Variants in C20orf173 observed in about 807,000 individuals in gnomAD.
C20orf173 encodes chromosome 20 open reading frame 173.
C20orf173 carries 22 observed loss-of-function variants against 26.7 expected under a neutral mutation model. The ratio of observed to expected loss-of-function variants is 0.82; its 90% CI spans 0.59 to 1.18. The LOEUF is 1.18. Ranked by LOEUF, C20orf173 falls within the 50% of genes most tolerant of loss-of-function variation. The probability of loss-of-function intolerance (pLI) is 0.00; values close to 1 mark genes in which losing one functional copy is unlikely to be tolerated. For synonymous variants in C20orf173, 85 were observed against 96.4 expected, an observed-to-expected ratio of 0.88 and a Z score of 0.69; for missense variants, 210 against 250.3, an observed-to-expected ratio of 0.84 and a Z score of 1.09.
At chr20:35,527,721 C>T (rs530677929) in intron 5 of C20orf173, among the ~76,000 whole-genome samples, 2 of 152,128 alleles carry the variant, frequency 1.3e-5, no homozygotes, top group Admixed American at 6.6e-5. Flanking sequence ...CGGGTTCAAG[C>T]GATTCTTCTA....
downstream of C20orf173, among the ~76,000 whole-genome samples, chr20:35,525,145 A>C (rs1315454310): frequency 6.6e-6 from 1 of 152,010 alleles, no homozygotes; most frequent in South Asian, 2.1e-4. Flanking sequence ...CACCCCTGAT[A>C]CTTATAAATG....
At chr20:35,527,701 C>A (rs987510851) in intron 5 of C20orf173, among the ~76,000 whole-genome samples, 5 of 152,130 alleles carry the variant, frequency 3.3e-5, no homozygotes, top group African/African-American at 7.2e-5. Context: ...TAACTGCAAC[C>A]TCTGCCTCCC....
At chr20:35,522,286 C>G (rs940273923), downstream of C20orf173, 11 of 152,638 alleles carry the variant, frequency 7.2e-5, 1 homozygote, top group Admixed American at 2.0e-4. Context: ...ATTTGACAAG[C>G]AGACTTCAGC....
downstream of C20orf173, among the ~76,000 whole-genome samples, chr20:35,525,850 C>A (rs1000062499): frequency 3.9e-5 from 6 of 152,196 alleles, no homozygotes; most frequent in Non-Finnish European, 8.8e-5. Flanking sequence ...CCTATTTATA[C>A]CCACTTTTAA....
intron 2 of C20orf173, 46 bp from the exon 3 acceptor site, chr20:35,528,925 A>G (rs1568862299): frequency 6.5e-7 from 1 of 1,549,618 alleles, no homozygotes. Flanking sequence ...CAGGGGAGAG[A>G]AAACAGAGCT....
chr20:35,529,424 C>A lies in C20orf173; in HGVS notation c.-51G>T. The A allele has an allele frequency of 6.8e-7, 1 of 1,473,618 alleles. No individual in the cohort carries two copies. The highest frequency in any genetic ancestry group is 1.4e-5 in the South Asian group (1 of 73,832). The allele number at this position is 1,473,618 out of a possible 1,614,324, so 91.3% of individuals were successfully genotyped here. ...GGTGGGCCGTAGACTGGCTTCTCTACCTGTAAGGATGAGGGGCTGAGGCCA... is the reference window on the plus strand; with the variant it reads ...GGTGGGCCGTAGACTGGCTTCTCTAACTGTAAGGATGAGGGGCTGAGGCCA... On this transcript the variant is annotated splice_region_variant and 5_prime_UTR_variant, in exon 2 of 6. Coordinates refer to ENST00000444723, the MANE Select transcript of C20orf173 (RefSeq NM_001145350.2).
chr20:35,528,938 G>A (rs1003354500), intron 2 of C20orf173, 59 bp from the exon 3 acceptor site: 3 of 1,544,976 alleles, frequency 1.9e-6, no homozygotes, highest in African/African-American at 2.7e-5. Context: ...ACAGAGCTGG[G>A]TGGGTGAGAT....
intron 4 of C20orf173, 38 bp downstream of exon 4, chr20:35,528,413 A>AC (rs1325587395): frequency 1.2e-5 from 18 of 1,547,566 alleles, no homozygotes; most frequent in Non-Finnish European, 1.6e-5. Flanking sequence ...ACCTCCCCTC[A>AC]CCCCCACACA....
chr20:35,528,305 G>A (rs1189350159), intron 4 of C20orf173, 21 bp from the exon 5 acceptor site: 2 of 1,551,868 alleles, frequency 1.3e-6, no homozygotes, highest in Non-Finnish European at 1.7e-6. Flanking sequence ...ATTGGAGGTG[G>A]GGGAGTTTGG....
downstream of C20orf173, among the ~76,000 whole-genome samples, chr20:35,526,540 G>C (rs2064503111): frequency 1.3e-5 from 2 of 148,420 alleles, no homozygotes; most frequent in Admixed American, 1.4e-4. Context: ...TAGGTGGGAG[G>C]ATCACTTGAG....
At chr20:35,527,512 C>T (rs1039892105) in intron 5 of C20orf173, among the ~76,000 whole-genome samples, 70 of 152,182 alleles carry the variant, frequency 4.6e-4, no homozygotes, top group Non-Finnish European at 2.2e-4. Context: ...TCCAGGCAAA[C>T]GGAATGGTGC....
In C20orf173 at chr20:35,528,763, G is replaced by T. The variant is rs749948418; in HGVS notation, c.426C>A (p.Arg142=). 1 of 1,548,848 alleles carries T rather than the reference G, an allele frequency of 6.5e-7. No individual in the cohort carries two copies. Among genetic ancestry groups the T allele is most frequent in the South Asian group, 1.2e-5 (1 of 83,894 alleles). The change falls in exon 3 of 6, where the codon CGC becomes CGA. Residue 142 remains arginine, a synonymous_variant. Transcript: ENST00000444723. ...GGCTGGAGCCCTGCGGGATCTGTGG[G>T]CGCCCCAACAGCACACAAGTCCCAC... The part of the protein sequence containing the change: ...FYCGTCVLLG[R]PQIPQGSSLG...
At chr20:35,523,498 C>T (rs1204681791), downstream of C20orf173, 3 of 152,338 alleles carry the variant, frequency 2.0e-5, no homozygotes, top group East Asian at 1.9e-4. Flanking sequence ...CCTCCCTGGC[C>T]ACCTACTGAT....
intron 5 of C20orf173, among the ~76,000 whole-genome samples, chr20:35,527,712 G>A (rs1304754363): frequency 1.3e-5 from 2 of 151,988 alleles, no homozygotes; most frequent in African/African-American, 4.8e-5. Flanking sequence ...TCTGCCTCCC[G>A]GGTTCAAGCG....
Position 35,528,246 on chromosome 20 carries a change from T to C in C20orf173, c.*12A>G. 1.3e-6 allele frequency: 2 copies of C among 1,552,080 alleles called. No homozygotes were observed. Among genetic ancestry groups the C allele is most frequent in the Non-Finnish European group, 1.7e-6 (2 of 1,147,066 alleles). On this transcript the variant is annotated 3_prime_UTR_variant, in exon 5 of 6. Coordinates refer to ENST00000444723, the MANE Select transcript of C20orf173 (RefSeq NM_001145350.2). Reference sequence around the variant, plus strand: ...ATTCCCCCTCACCGTGTCTTTGCTATCTTCCACTCCACTAGGGAACCAGAC... The same window carrying C: ...ATTCCCCCTCACCGTGTCTTTGCTACCTTCCACTCCACTAGGGAACCAGAC...
In C20orf173 at chr20:35,528,830, T is replaced by G; in HGVS notation, c.359A>C (p.Lys120Thr). Residue 120 changes from lysine to threonine, a missense_variant, in exon 3 of 6, where the codon AAA becomes ACA. Lys to Thr is a moderately conservative substitution (Grantham distance 78). Coordinates refer to ENST00000444723, the MANE Select transcript of C20orf173 (RefSeq NM_001145350.2). Reference protein sequence around the residue: ...ELGKLWRKLFKGIPRLSVSHF... With the variant: ...ELGKLWRKLFTGIPRLSVSHF... ...GCTCACCGAGAGCCTGGGAATCCCT[T>G]TAAACAGCTTCCTCCACAATTTCCC... 1 of 1,550,888 alleles carries G rather than the reference T, an allele frequency of 6.4e-7. No individual in the cohort carries two copies.
chr20:35,521,886 G>A (rs2064477698), downstream of C20orf173: 1 of 152,698 alleles, frequency 6.5e-6, no homozygotes, highest in Admixed American at 6.6e-5. Context: ...GGGATTACAG[G>A]CGTGAGCCCC....
At chr20:35,523,258 G>T (rs562091326), downstream of C20orf173, 35 of 152,326 alleles carry the variant, frequency 2.3e-4, no homozygotes, top group African/African-American at 8.4e-4. Flanking sequence ...GGAAGGAGGT[G>T]ATCAGCCACA....
At chr20:35,528,168 T>C (rs972445478) in intron 5 of C20orf173, 65 bp downstream of exon 5, 2 of 1,411,686 alleles carry the variant, frequency 1.4e-6, no homozygotes, top group Admixed American at 3.9e-5. Flanking sequence ...GGGAGGGAAC[T>C]GACCTGGGGC....
Sources: gnomAD v4.1 joint callset for allele counts (sites outside exome capture counted in the v4.1 genomes callset) on GRCh38, gnomAD v4.1.1 for gene constraint, MANE v1.5 for transcripts, NCBI Gene and HGNC (gene_info 2026-07-23, HGNC 2026-07-21) for gene names.